PDGFRA: variants seen among roughly 807,000 people sequenced by gnomAD.
PDGFRA encodes the protein platelet-derived growth factor receptor alpha.
In PDGFRA, 25 loss-of-function variants were observed where a neutral mutation model predicts 121.5. The observed-to-expected ratio is 0.21, with a 90% CI of 0.15 to 0.29. PDGFRA has a LOEUF of 0.29. Among genes scored for constraint, PDGFRA ranks in the 10% least tolerant of loss-of-function variants. The probability of loss-of-function intolerance (pLI) is 1.00; values close to 1 mark genes in which losing one functional copy is unlikely to be tolerated. For synonymous variants in PDGFRA, 463 were observed against 494.8 expected (o/e 0.94, Z 0.85); for missense variants, 1,008 against 1,345.1 (o/e 0.75, Z 3.92).
intron 1 of PDGFRA, among the ~76,000 whole-genome samples, chr4:54,255,133 A>G (rs150358150): frequency 2.4e-4 from 37 of 152,330 alleles, no homozygotes; most frequent in African/African-American, 8.4e-4. Context: ...GTCATTTGCG[A>G]AACCTCTCTG....
Position 54,269,738 on chromosome 4 carries a change from G to C in PDGFRA, c.1122-895G>C, listed in dbSNP as rs1029528043. On this transcript the variant is annotated intron_variant, in intron 7 of 22. Coordinates refer to ENST00000257290, the MANE Select transcript of PDGFRA (RefSeq NM_006206.6). ...GCTCACTGCAACCTCCGCCTCCTGG[G>C]TTCAAGCGATTCTTCAGCTTCAGCC... is the stretch of plus-strand genomic sequence containing the variant. Among the ~76,000 whole-genome samples, 37 of 151,560 alleles carry C rather than the reference G, an allele frequency of 2.4e-4. 1 individual carries two copies. The highest frequency in any genetic ancestry group is 1.8e-3 in the Admixed American group (27 of 15,232).
At position 54,251,852 on chromosome 4, in the gene PDGFRA, G is replaced by A. The variant is rs147152673; in HGVS notation, c.-12-6905G>A. Among the ~76,000 whole-genome samples, 976 of 152,258 alleles carry A rather than the reference G, an allele frequency of 6.4e-3. 14 individuals carry two copies. Among genetic ancestry groups the A allele is most frequent in the African/African-American group, 0.022 (904 of 41,546 alleles). ...ATTCTTTTTAAATTAAATTTCCATC[G>A]AAACCAATTTTAACAAGAGCCTATG... is the stretch of plus-strand genomic sequence containing the variant. On this transcript the variant is annotated intron_variant, in intron 1 of 22. Transcript: ENST00000257290.
chr4:54,281,489 G>A (rs376478082), intron 16 of PDGFRA: 28 of 830,652 alleles, frequency 3.4e-5, no homozygotes, highest in Admixed American at 1.5e-4. Flanking sequence ...GAACTTCCAA[G>A]CGCTTTTAAA....
At chr4:54,289,190 T>A in intron 21 of PDGFRA, 76 bp downstream of exon 21, 1 of 867,610 alleles carries the variant, frequency 1.2e-6, no homozygotes, top group Non-Finnish European at 2.0e-6. Flanking sequence ...GTTCCGCAGT[T>A]CTAGAGGAGC....
In PDGFRA at chr4:54,295,281, T is replaced by C. The variant is rs762091057; in HGVS notation, c.*9T>C. On this transcript the variant is annotated 3_prime_UTR_variant, in exon 23 of 23. Coordinates refer to ENST00000257290, the MANE Select transcript of PDGFRA (RefSeq NM_006206.6). ...AAGACAGCTTCCTGTAACTGGCGGA[T>C]TCGAGGGGTTCCTTCCACTTCTGGG... 2 of 1,613,972 alleles carry C rather than the reference T, an allele frequency of 1.2e-6. No homozygotes were observed. Among genetic ancestry groups the C allele is most frequent in the East Asian group, 2.2e-5 (1 of 44,876 alleles).
chr4:54,274,683 AC>A, intron 11 of PDGFRA, 58 bp downstream of exon 11: 1 of 1,476,182 alleles, frequency 6.8e-7, no homozygotes, highest in South Asian at 1.1e-5. Flanking sequence ...AAGCATAGCA[AC>A]CTAGTTCAGT....
intron 16 of PDGFRA, among the ~76,000 whole-genome samples, chr4:54,284,111 G>C (rs185762921): frequency 4.0e-4 from 61 of 152,274 alleles, no homozygotes; most frequent in African/African-American, 1.4e-3. Flanking sequence ...CTTTGCTGAA[G>C]CTTAACAAGG....
chr4:54,274,232 G>A (rs951566104), intron 10 of PDGFRA, among the ~76,000 whole-genome samples: 1 of 152,152 alleles, frequency 6.6e-6, no homozygotes, highest in Non-Finnish European at 1.5e-5. Context: ...GCTGTCAATT[G>A]CATTTATCCT....
intron 1 of PDGFRA, among the ~76,000 whole-genome samples, chr4:54,239,822 C>CT (rs112968863): frequency 1.3e-5 from 2 of 151,634 alleles, no homozygotes; most frequent in African/African-American, 4.8e-5. Flanking sequence ...TCTTTAGTTT[C>CT]TTTTTTAAAA....
rs1306865436 is a variant in PDGFRA at position 54,296,066 on chromosome 4, A to G, written c.*794A>G. Reference sequence around the variant, plus strand: ...GTTTTTGACATTTATATTAAATAACATGTTTCTCTATAAAGTATGGTAATA... The same window carrying G: ...GTTTTTGACATTTATATTAAATAACGTGTTTCTCTATAAAGTATGGTAATA... On this transcript the variant is annotated 3_prime_UTR_variant, in exon 23 of 23. Transcript: ENST00000257290. 4.3e-6 allele frequency: 1 copy of G among 232,586 alleles called. No homozygotes were observed. 14.4% of individuals were successfully genotyped at this position (232,586 alleles called of 1,614,324 possible).
At chr4:54,230,199 T>C (rs1323553732) in intron 1 of PDGFRA, 2 of 151,874 alleles carry the variant, frequency 1.3e-5, no homozygotes, top group African/African-American at 4.9e-5. Context: ...TCTGGAGCGG[T>C]TTGTTGGGTC....
intron 1 of PDGFRA, among the ~76,000 whole-genome samples, chr4:54,242,402 T>TA (rs893103323): frequency 3.9e-5 from 6 of 152,192 alleles, no homozygotes; most frequent in South Asian, 2.1e-4. Context: ...AAAATACCTT[T>TA]AAAAAAAGGC....
intron 21 of PDGFRA, 84 bp from the exon 22 acceptor site, chr4:54,290,226 AAAT>A: frequency 1.9e-6 from 2 of 1,078,824 alleles, no homozygotes; most frequent in Non-Finnish European, 2.9e-6. Context: ...ATGTACAGTT[AAAT>A]AATAGTAAGT....
In PDGFRA at chr4:54,280,306, G is replaced by A; in HGVS notation, c.2157-10G>A. 1.2e-6 allele frequency: 2 copies of A among 1,612,714 alleles called. No homozygotes were observed. The highest frequency in any genetic ancestry group is 2.7e-5 in the African/African-American group (2 of 74,988). On this transcript the variant is annotated splice_polypyrimidine_tract_variant and intron_variant, in intron 15 of 22. Coordinates refer to ENST00000257290, the MANE Select transcript of PDGFRA (RefSeq NM_006206.6). Reference sequence around the variant, plus strand: ...CACCCTGGGTAAGATTTCTCTTTCTGTTTTTACAGCTATGTTATTTTATCT... The same window carrying A: ...CACCCTGGGTAAGATTTCTCTTTCTATTTTTACAGCTATGTTATTTTATCT...
chr4:54,297,967 G>A lies in PDGFRA; in HGVS notation c.*2695G>A, dbSNP rs1724958605. 4.3e-6 allele frequency: 1 copy of A among 232,360 alleles called. No homozygotes were observed. Among genetic ancestry groups the A allele is most frequent in the Non-Finnish European group, 8.5e-6 (1 of 117,286 alleles). The allele number at this position is 232,360 out of a possible 1,614,324, so 14.4% of individuals were successfully genotyped here. A position where few individuals can be genotyped will look rare whatever the true frequency, so the allele number is the denominator to read the frequency against. On this transcript the variant is annotated 3_prime_UTR_variant, in exon 23 of 23. Coordinates refer to ENST00000257290, the MANE Select transcript of PDGFRA (RefSeq NM_006206.6). ...ACTGCCAAAACATTTATGACAAGCT[G>A]TATCACTGCCTTCGTTTATATTTTT... is the stretch of plus-strand genomic sequence containing the variant.
chr4:54,271,941 C>T, intron 8 of PDGFRA, among the ~76,000 whole-genome samples: 1 of 76,886 alleles, frequency 1.3e-5, no homozygotes, highest in Non-Finnish European at 2.7e-5. Context: ...TCTCTCCTTC[C>T]TTCCTTCCTT....
chr4:54,257,921 T>C (rs1006156706), intron 1 of PDGFRA, among the ~76,000 whole-genome samples: 2 of 152,234 alleles, frequency 1.3e-5, no homozygotes, highest in African/African-American at 4.8e-5. Context: ...AATTTCCGTC[T>C]CTTTCTCTAC....
Position 54,295,153 on chromosome 4 carries a change from G to A in PDGFRA, c.3151G>A (p.Glu1051Lys), listed in dbSNP as rs1724816694. The change falls in exon 23 of 23, where the codon GAG becomes AAG. Residue 1051 changes from glutamate (E) to lysine (K), a missense_variant. By Grantham distance (56) the Glu-to-Lys change is moderately conservative (BLOSUM62 1). Transcript: ENST00000257290. ...GCAGACCTCTGAAGAGAGTGCCATTGAGACGGGTTCCAGCAGTTCCACCTT... is the reference window on the plus strand; with the variant it reads ...GCAGACCTCTGAAGAGAGTGCCATTAAGACGGGTTCCAGCAGTTCCACCTT... Reference protein sequence around the residue: ...SSQTSEESAIETGSSSSTFIK... With the variant: ...SSQTSEESAIKTGSSSSTFIK... 1.2e-6 allele frequency: 2 copies of A among 1,614,044 alleles called. No homozygotes were observed. The highest frequency in any genetic ancestry group is 3.3e-5 in the Admixed American group (2 of 60,000).
intron 1 of PDGFRA, among the ~76,000 whole-genome samples, chr4:54,254,522 C>T (rs1722244960): frequency 6.6e-6 from 1 of 152,166 alleles, no homozygotes; most frequent in African/African-American, 2.4e-5. Flanking sequence ...AAACACTCCT[C>T]AGGTTTTGCA....
Sources: allele counts gnomAD v4.1 joint callset (sites outside exome capture counted in the v4.1 genomes callset), GRCh38; gene constraint gnomAD v4.1.1; transcripts MANE v1.5; gene names NCBI Gene and HGNC (gene_info 2026-07-23, HGNC 2026-07-21).